The following PEX7 variants were observed in gnomAD, a reference collection of about 807,000 sequenced individuals.
The protein encoded by PEX7 is peroxisomal biogenesis factor 7.
PEX7 carries 34 observed loss-of-function variants against 47.5 expected under a neutral mutation model. The ratio of observed to expected loss-of-function variants is 0.72; its 90% CI spans 0.54 to 0.95. The LOEUF is 0.95. Ranked by LOEUF, PEX7 falls within the 40% of genes least tolerant of loss-of-function variation. The probability of loss-of-function intolerance (pLI) is 0.00; values close to 1 mark genes in which losing one functional copy is unlikely to be tolerated. For missense variants in PEX7, 394 were observed against 400.3 expected (o/e 0.98, Z 0.13); for synonymous variants, 141 against 148.8 (o/e 0.95, Z 0.38).
intron 2 of PEX7, among the ~76,000 whole-genome samples, chr6:136,826,096 C>G (rs1216442170): frequency 1.3e-5 from 2 of 152,120 alleles, no homozygotes; most frequent in South Asian, 2.1e-4. Context: ...TTTTGGACTA[C>G]TACATTCCAC....
In PEX7 at chr6:136,890,133, T is replaced by C. The variant is rs140606821; in HGVS notation, c.804-8009T>C. On this transcript the variant is annotated intron_variant, in intron 8 of 9. Coordinates refer to ENST00000318471, the MANE Select transcript of PEX7 (RefSeq NM_000288.4). ...CAACACTAAATATTCTAAAATGGAA[T>C]TCTTAGACATTGGACTTAATGGAAT... Among the ~76,000 whole-genome samples, 8 of 152,308 alleles carry C rather than the reference T, an allele frequency of 5.3e-5. No individual in the cohort carries two copies. In the East Asian group the frequency reaches 1.5e-3, roughly 29 times the overall value.
chr6:136,830,118 T>C (rs2115138594), intron 3 of PEX7: 1 of 684,004 alleles, frequency 1.5e-6, no homozygotes, highest in Admixed American at 2.4e-5. Flanking sequence ...CAATCTTGGA[T>C]TTGAATCCCA....
At position 136,826,360 on chromosome 6, in the gene PEX7, A is replaced by T. The variant is rs751939542; in HGVS notation, c.230A>T (p.Glu77Val). The T allele has an allele frequency of 2.5e-6, 4 of 1,614,006 alleles. No homozygotes were observed. In the South Asian group the frequency reaches 4.4e-5, roughly 18 times the overall value. ...NDGLFDVTWS[E>V]NNEHVLITCS... Reference sequence around the variant, plus strand: ...GGTTTGTTTGATGTGACTTGGAGTGAGAACAACGAACATGTCCTCATCACC... The same window carrying T: ...GGTTTGTTTGATGTGACTTGGAGTGTGAACAACGAACATGTCCTCATCACC... The change falls in exon 3 of 10, where the codon GAG (glutamate) becomes GTG (valine). Residue 77 changes from glutamate to valine, a missense_variant. Coordinates refer to ENST00000318471, the MANE Select transcript of PEX7 (RefSeq NM_000288.4).
At chr6:136,864,463 TA>T (rs951765665) in intron 5 of PEX7, among the ~76,000 whole-genome samples, 1 of 152,306 alleles carries the variant, frequency 6.6e-6, no homozygotes, top group African/African-American at 2.4e-5. Context: ...ATAACTTGAT[TA>T]AGCATCAGTG....
chr6:136,845,499 G>T, intron 3 of PEX7, 116 bp from the exon 4 acceptor site: 1 of 731,156 alleles, frequency 1.4e-6, no homozygotes, highest in South Asian at 1.4e-5. Context: ...GGAATTATTT[G>T]ATGTTTTGAC....
At chr6:136,836,230 A>G (rs1298504212) in intron 3 of PEX7, among the ~76,000 whole-genome samples, 2 of 97,488 alleles carry the variant, frequency 2.1e-5, no homozygotes, top group South Asian at 3.4e-4. Context: ...TTTGTTTTAC[A>G]TAAAGAGAGG....
chr6:136,840,872 A>G (rs188377694), intron 3 of PEX7, among the ~76,000 whole-genome samples: 2 of 152,104 alleles, frequency 1.3e-5, no homozygotes, highest in East Asian at 3.9e-4. Flanking sequence ...CTTTAACTGC[A>G]CTCAAGTCTC....
chr6:136,840,297 G>A (rs1274223618), intron 3 of PEX7, among the ~76,000 whole-genome samples: 2 of 151,976 alleles, frequency 1.3e-5, no homozygotes, highest in African/African-American at 2.4e-5. Context: ...TAGTCTTATC[G>A]TTCTTCTCTC....
At position 136,845,688 on chromosome 6, in the gene PEX7, A is replaced by C; in HGVS notation, c.413A>C (p.Lys138Thr). 1 of 1,593,544 alleles carries C rather than the reference A, an allele frequency of 6.3e-7. No individual in the cohort carries two copies. The highest frequency in any genetic ancestry group is 1.3e-5 in the African/African-American group (1 of 74,694). ...VVSGSWDQTV[K>T]LWDPTVGKSL... Reference sequence around the variant, plus strand: ...TCTGGCTCATGGGATCAAACTGTCAAATTGGTATGTTAGCATTATTGTATT... The same window carrying C: ...TCTGGCTCATGGGATCAAACTGTCACATTGGTATGTTAGCATTATTGTATT... Residue 138 changes from lysine to threonine, a missense_variant, in exon 4 of 10, where the codon AAA (lysine) becomes ACA (threonine). Transcript: ENST00000318471.
At position 136,865,779 on chromosome 6, in the gene PEX7, A is replaced by G. The variant is rs139160212; in HGVS notation, c.527-848A>G. 3.3e-3 allele frequency among the ~76,000 whole-genome samples: 502 copies of G among 152,260 alleles called. 3 individuals carry two copies. The highest frequency in any genetic ancestry group is 0.01 in the Middle Eastern group (3 of 294). On this transcript the variant is annotated intron_variant, in intron 5 of 9. Transcript: ENST00000318471. The stretch of plus-strand genomic sequence containing the variant: ...GGCAATAGAGCAAGACTCTGTCTCA[A>G]AAAAATATCAAAATAAATAAATAGG...
At chr6:136,880,300 C>T (rs1775354420) in intron 8 of PEX7, among the ~76,000 whole-genome samples, 1 of 152,090 alleles carries the variant, frequency 6.6e-6, no homozygotes, top group Admixed American at 6.5e-5. Flanking sequence ...TTCTTTCACC[C>T]CTAAACTATC....
chr6:136,865,806 C>G (rs557701533), intron 5 of PEX7, among the ~76,000 whole-genome samples: 1 of 151,784 alleles, frequency 6.6e-6, no homozygotes, highest in Admixed American at 6.6e-5. Context: ...ATAAATAGGC[C>G]GGGCGCTGCG....
chr6:136,894,568 C>T (rs927037292), intron 8 of PEX7, among the ~76,000 whole-genome samples: 61 of 152,018 alleles, frequency 4.0e-4, no homozygotes, highest in African/African-American at 1.4e-3. Context: ...CCAGCCTGGG[C>T]GACAGAGTGA....
In PEX7 at chr6:136,913,677, G is replaced by A. The variant is rs1775969080; in HGVS notation, c.*151G>A. The stretch of plus-strand genomic sequence containing the variant: ...TTACCCTGGAATCAGTTTTGAGGGA[G>A]CTGATAAAGACTTTAGCTGACTCGT... On this transcript the variant is annotated 3_prime_UTR_variant, in exon 10 of 10. Transcript: ENST00000318471. 2.9e-6 allele frequency: 2 copies of A among 694,550 alleles called. No homozygotes were observed. Among genetic ancestry groups the A allele is most frequent in the African/African-American group, 1.8e-5 (1 of 56,602 alleles). The allele number at this position is 694,550 out of a possible 1,614,324, so 43.0% of individuals were successfully genotyped here.
intron 5 of PEX7, among the ~76,000 whole-genome samples, chr6:136,864,590 G>A (rs1582756391): frequency 6.6e-6 from 1 of 152,232 alleles, no homozygotes; most frequent in Non-Finnish European, 1.5e-5. Flanking sequence ...AGCAACTTCC[G>A]AAGAAGCCAG....
At chr6:136,850,917 GTTTTT>G (rs35220728) in intron 5 of PEX7, among the ~76,000 whole-genome samples, 17 of 69,184 alleles carry the variant, frequency 2.5e-4, no homozygotes, top group African/African-American at 6.8e-4. Context: ...AAAACTGATG[GTTTTT>G]TTTTTTTTTT....
chr6:136,845,999 G>A (rs1582744946), intron 4 of PEX7, 74 bp from the exon 5 acceptor site: 1 of 812,226 alleles, frequency 1.2e-6, no homozygotes, highest in South Asian at 1.4e-5. Context: ...ATAGTTTATT[G>A]GTGTATGTAG....
At chr6:136,825,435 G>A (rs935322264) in intron 2 of PEX7, among the ~76,000 whole-genome samples, 164 bp downstream of exon 2, 1 of 152,198 alleles carries the variant, frequency 6.6e-6, no homozygotes, top group Non-Finnish European at 1.5e-5. Context: ...GTGCGCACCT[G>A]TAGTCCCAGC....
chr6:136,893,431 C>T (rs1052052138), intron 8 of PEX7, among the ~76,000 whole-genome samples: 9 of 152,178 alleles, frequency 5.9e-5, no homozygotes, highest in South Asian at 2.1e-4. Flanking sequence ...TTCCTCAGGA[C>T]GTCCTCTTAA....
Sources: allele counts gnomAD v4.1 joint callset (sites outside exome capture counted in the v4.1 genomes callset), GRCh38; gene constraint gnomAD v4.1.1; transcripts MANE v1.5; gene names NCBI Gene and HGNC (gene_info 2026-07-23, HGNC 2026-07-21).